Variants in KAZN observed in about 807,000 individuals in gnomAD.
KAZN encodes the protein kazrin, periplakin interacting protein.
A neutral mutation model predicts 87.4 loss-of-function variants in KAZN; 40 were observed. The observed-to-expected ratio is 0.46, with a 90% CI of 0.36 to 0.60. KAZN has a LOEUF of 0.60. Among genes scored for constraint, KAZN ranks in the 20% least tolerant of loss-of-function variants. KAZN has a pLI of 0.00. For synonymous variants in KAZN, 466 were observed against 458.3 expected (o/e 1.02, Z -0.22); for missense variants, 898 against 1,073.9 (o/e 0.84, Z 2.29).
At chr1:14,747,911 T>C (rs1245725742) in intron 1 of KAZN, among the ~76,000 whole-genome samples, 6 of 152,220 alleles carry the variant, frequency 3.9e-5, no homozygotes, top group Non-Finnish European at 2.9e-5. Flanking sequence ...CGGCTTATAT[T>C]TGCTCCAGTG....
At chr1:14,796,592 G>C (rs1645835559) in intron 1 of KAZN, among the ~76,000 whole-genome samples, 2 of 152,236 alleles carry the variant, frequency 1.3e-5, no homozygotes, top group African/African-American at 2.4e-5. Flanking sequence ...GTTACAAAAA[G>C]GGTATAGACG....
chr1:14,171,864 A>G (rs1236161957), intron 1 of KAZN, among the ~76,000 whole-genome samples: 3 of 151,940 alleles, frequency 2.0e-5, no homozygotes, highest in Admixed American at 6.5e-5. Flanking sequence ...TCCATAAGAC[A>G]GAAGCAAAGT....
intron 2 of KAZN, among the ~76,000 whole-genome samples, chr1:14,220,751 G>A (rs1647078661): frequency 6.6e-6 from 1 of 152,200 alleles, no homozygotes; most frequent in African/African-American, 2.4e-5. Flanking sequence ...TTCTTCTGTG[G>A]AGGGAGGAGC....
At chr1:14,478,339 A>C (rs1339758154) in intron 2 of KAZN, among the ~76,000 whole-genome samples, 48 of 151,924 alleles carry the variant, frequency 3.2e-4, no homozygotes, top group Admixed American at 3.1e-3. Flanking sequence ...GGAAGGAAGA[A>C]AGGATGACAA....
At chr1:14,348,312 C>A (rs72867398) in intron 2 of KAZN, among the ~76,000 whole-genome samples, 4 of 152,172 alleles carry the variant, frequency 2.6e-5, no homozygotes, top group East Asian at 1.9e-4. Flanking sequence ...CCAGCCTCTC[C>A]AAATGCTGGA....
chr1:14,940,246 C>G (rs1660899205), intron 1 of KAZN, among the ~76,000 whole-genome samples: 1 of 152,222 alleles, frequency 6.6e-6, no homozygotes. Context: ...CAGTTGTTCC[C>G]CTTGAGTTTG....
intron 1 of KAZN, among the ~76,000 whole-genome samples, chr1:13,976,530 G>C (rs1388894020): frequency 6.6e-6 from 1 of 151,748 alleles, no homozygotes; most frequent in Non-Finnish European, 1.5e-5. Flanking sequence ...CTGTTTGCCA[G>C]CCTGATGGAG....
intron 2 of KAZN, among the ~76,000 whole-genome samples, chr1:14,564,173 G>A (rs1262664087): frequency 6.6e-6 from 1 of 152,026 alleles, no homozygotes; most frequent in Non-Finnish European, 1.5e-5. Context: ...ACCTCTTCCT[G>A]GTTGTGATGT....
chr1:14,685,230 G>T (rs928420397), intron 1 of KAZN, among the ~76,000 whole-genome samples: 5 of 152,222 alleles, frequency 3.3e-5, no homozygotes, highest in Non-Finnish European at 5.9e-5. Context: ...GCTTAATCCT[G>T]CCGGAGAAAC....
intron 1 of KAZN, among the ~76,000 whole-genome samples, chr1:14,018,638 T>G (rs116769718): frequency 0.022 from 3,361 of 152,182 alleles, 114 homozygotes; most frequent in African/African-American, 0.075. Flanking sequence ...CTTCCATGTG[T>G]ACAGACACCA....
chr1:14,711,196 T>A (rs2148820826), intron 1 of KAZN, among the ~76,000 whole-genome samples: 1 of 152,038 alleles, frequency 6.6e-6, no homozygotes, highest in South Asian at 2.1e-4. Flanking sequence ...TTGTCTCTAT[T>A]TTCGAAAAGA....
intron 1 of KAZN, among the ~76,000 whole-genome samples, chr1:14,680,398 C>T (rs909614146): frequency 1.3e-5 from 2 of 152,124 alleles, no homozygotes; most frequent in African/African-American, 4.8e-5. Context: ...ACTTTATCTA[C>T]GTGGATCCTA....
chr1:15,012,903 CAGAA>C (rs1188265290), intron 2 of KAZN, among the ~76,000 whole-genome samples: 1 of 152,130 alleles, frequency 6.6e-6, no homozygotes, highest in Non-Finnish European at 1.5e-5. Flanking sequence ...GCCTCGGCAA[CAGAA>C]AGAGACTGTC....
Position 14,598,935 on chromosome 1 carries a change from G to C in KAZN, c.-63G>C. Reference sequence around the variant, plus strand: ...GGTAGAGCCGGGGGTGCCCGGCCGCGCGCCCCCCGCGCATCATGCAGCTCT... The same window carrying C: ...GGTAGAGCCGGGGGTGCCCGGCCGCCCGCCCCCCGCGCATCATGCAGCTCT... On this transcript the variant is annotated 5_prime_UTR_variant, in exon 1 of 15. Transcript: ENST00000376030. The surrounding 1 kb of genome is among the most constrained non-coding windows in gnomAD (Gnocchi z 4.2). The C allele has an allele frequency of 6.4e-7, 1 of 1,554,668 alleles. No individual in the cohort carries two copies. The highest frequency in any genetic ancestry group is 1.2e-5 in the South Asian group (1 of 84,088).
intron 1 of KAZN, among the ~76,000 whole-genome samples, chr1:14,912,506 G>A (rs904132116): frequency 2.0e-5 from 3 of 152,062 alleles, no homozygotes; most frequent in East Asian, 1.9e-4. Flanking sequence ...TCAGCCTCCC[G>A]AGTAGCTGAA....
chr1:15,065,577 C>T lies in KAZN; in HGVS notation c.1099-53C>T, dbSNP rs1326450142. 3 of 1,498,516 alleles carry T rather than the reference C, an allele frequency of 2.0e-6. No homozygotes were observed. The East Asian group carries it at 6.9e-5, about 34-fold the overall frequency. 92.8% of individuals were successfully genotyped at this position (1,498,516 alleles called of 1,614,324 possible). ...CACTGCAGTCTGCACCCCAGCTAAG[C>T]TTGGCTTTCTTCTTCTCCCCCACCC... On this transcript the variant is annotated intron_variant, in intron 7 of 14. Transcript: ENST00000376030.
intron 2 of KAZN, among the ~76,000 whole-genome samples, chr1:14,514,621 A>ATATTTTATATATTTTTTTATATTT (rs1557770581): frequency 0.05 from 2,175 of 43,674 alleles, 245 homozygotes; most frequent in Non-Finnish European, 0.075. Flanking sequence ...ATATATATAT[A>ATATTTTATATATTTTTTTATATTT]TATATATATA....
chr1:15,046,451 G>A (rs1428644659), intron 4 of KAZN, among the ~76,000 whole-genome samples: 1 of 152,180 alleles, frequency 6.6e-6, no homozygotes, highest in Non-Finnish European at 1.5e-5. Flanking sequence ...CTGTCTCGGG[G>A]TGACGGAGGT....
chr1:14,387,470 G>A (rs373312570), intron 2 of KAZN, among the ~76,000 whole-genome samples: 6,895 of 152,010 alleles, frequency 0.045, 278 homozygotes, highest in East Asian at 0.18. Context: ...TTTGATGATG[G>A]TGATGTACAG....
Sources: gnomAD v4.1 joint callset for allele counts (sites outside exome capture counted in the v4.1 genomes callset) on GRCh38, gnomAD v4.1.1 for gene constraint, Gnocchi (gnomAD v3.1) non-coding constraint, MANE v1.5 for transcripts, NCBI Gene and HGNC (gene_info 2026-07-23, HGNC 2026-07-21) for gene names.